Variants in SLC30A9 observed in about 807,000 individuals in gnomAD.
The protein encoded by SLC30A9 is solute carrier family 30 member 9.
Under a neutral mutation model 87.5 loss-of-function variants are expected in SLC30A9, and 58 were observed. The ratio of observed to expected loss-of-function variants is 0.66; its 90% CI spans 0.54 to 0.82. SLC30A9 has a LOEUF of 0.82. SLC30A9 is among the 40% of genes least tolerant of loss of function. The pLI is 0.00. For missense variants in SLC30A9, 557 were observed against 679.1 expected, an observed-to-expected ratio of 0.82 and a Z score of 2.00; for synonymous variants, 234 against 233.0, an observed-to-expected ratio of 1.00 and a Z score of -0.04.
intron 9 of SLC30A9, among the ~76,000 whole-genome samples, chr4:42,057,954 T>C (rs942135455): frequency 6.6e-6 from 1 of 151,694 alleles, no homozygotes; most frequent in Non-Finnish European, 1.5e-5. Context: ...ATACAAAAAT[T>C]AGCTGGGTGT....
chr4:42,045,251 C>T (rs547788725), intron 8 of SLC30A9, among the ~76,000 whole-genome samples: 184 of 152,100 alleles, frequency 1.2e-3, no homozygotes, highest in Admixed American at 3.1e-3. Flanking sequence ...AAAAACCCTT[C>T]AAAAAACCAG....
chr4:42,088,244 T>C lies in SLC30A9; in HGVS notation c.*2118T>C, dbSNP rs1342508686. 6.6e-6 allele frequency: 1 copy of C among 152,102 alleles called. No individual in the cohort carries two copies. Among genetic ancestry groups the C allele is most frequent in the Middle Eastern group, 3.2e-3 (1 of 316 alleles). The allele number at this position is 152,102 out of a possible 1,614,324, so 9.4% of individuals were successfully genotyped here. A position where few individuals can be genotyped will look rare whatever the true frequency, so the allele number is the denominator to read the frequency against. The stretch of plus-strand genomic sequence containing the variant: ...GGAAATTTTTCTAGAGTCACTGAAT[T>C]TTCAAATCAGAGAATTTGGGCTGGA... On this transcript the variant is annotated 3_prime_UTR_variant, in exon 18 of 18. Coordinates refer to ENST00000264451, the MANE Select transcript of SLC30A9 (RefSeq NM_006345.4).
At chr4:42,010,441 C>T (rs967707813) in intron 2 of SLC30A9, among the ~76,000 whole-genome samples, 1 of 152,174 alleles carries the variant, frequency 6.6e-6, no homozygotes, top group Non-Finnish European at 1.5e-5. Context: ...TGTGCCACTA[C>T]ACTCCAGCCT....
chr4:42,029,153 C>T (rs887601313), intron 6 of SLC30A9: 28 of 359,606 alleles, frequency 7.8e-5, no homozygotes, highest in African/African-American at 5.1e-4. Flanking sequence ...AACACGAGGG[C>T]GTGCCCCGAA....
intron 6 of SLC30A9, among the ~76,000 whole-genome samples, chr4:42,032,215 C>T (rs1335428669): frequency 6.6e-6 from 1 of 151,672 alleles, no homozygotes; most frequent in Non-Finnish European, 1.5e-5. Context: ...CAGTTACCCC[C>T]CCACCAGGCC....
At chr4:42,054,885 C>T (rs1366184553) in intron 9 of SLC30A9, among the ~76,000 whole-genome samples, 3 of 151,998 alleles carry the variant, frequency 2.0e-5, no homozygotes, top group African/African-American at 4.8e-5. Context: ...GAGATTCATC[C>T]AAAATATTTA....
chr4:42,075,552 G>C, intron 15 of SLC30A9, 105 bp from the exon 16 acceptor site: 1 of 1,021,268 alleles, frequency 9.8e-7, no homozygotes, highest in Non-Finnish European at 1.5e-6. Context: ...GTCCATTCTC[G>C]TAACTAGTGG....
chr4:42,018,384 A>G (rs1271434598), intron 3 of SLC30A9: 2 of 1,299,162 alleles, frequency 1.5e-6, no homozygotes, highest in South Asian at 1.3e-5. Flanking sequence ...AAATTTTTTC[A>G]AAAGCCCAAG....
intron 6 of SLC30A9, 30 bp downstream of exon 6, chr4:42,023,414 A>T: frequency 4.4e-6 from 6 of 1,373,916 alleles, no homozygotes; most frequent in Non-Finnish European, 6.2e-6. Flanking sequence ...AGTCAAGTTA[A>T]TTGAAAAATA....
rs542557907 is a variant in SLC30A9, at chr4:42,063,668, A to C, written c.1032+547A>C. Among the ~76,000 whole-genome samples the C allele has an allele frequency of 1.5e-4, 23 of 152,300 alleles. No homozygotes were observed. In the East Asian group the frequency reaches 2.7e-3, roughly 18 times the overall value. ...CTGGAAAGTGTTGAGGGTTTGGATAAGGGATAAAAACATACCACTTTACTG... is the reference window on the plus strand; with the variant it reads ...CTGGAAAGTGTTGAGGGTTTGGATACGGGATAAAAACATACCACTTTACTG... On this transcript the variant is annotated intron_variant, in intron 11 of 17. Coordinates refer to ENST00000264451, the MANE Select transcript of SLC30A9 (RefSeq NM_006345.4).
chr4:41,994,769 T>C (rs1313586231), intron 1 of SLC30A9, among the ~76,000 whole-genome samples: 6 of 143,404 alleles, frequency 4.2e-5, no homozygotes, highest in Admixed American at 1.5e-4. Flanking sequence ...GCGCCTGTAA[T>C]GACAGCTACT....
Position 42,057,304 on chromosome 4 carries a change from G to T in SLC30A9, c.841-2887G>T, listed in dbSNP as rs190029766. On this transcript the variant is annotated intron_variant, in intron 9 of 17. Coordinates refer to ENST00000264451, the MANE Select transcript of SLC30A9 (RefSeq NM_006345.4). Reference sequence around the variant, plus strand: ...AGCAGAGGTTGTCCATGAGAGCCCCGCCTGTGCAGCAAACTTCTACCTGGG... The same window carrying T: ...AGCAGAGGTTGTCCATGAGAGCCCCTCCTGTGCAGCAAACTTCTACCTGGG... Among the ~76,000 whole-genome samples the T allele has an allele frequency of 4.7e-4, 72 of 152,258 alleles. No homozygotes were observed. In the East Asian group the frequency reaches 7.4e-3, roughly 16 times the overall value.
At chr4:42,038,289 C>CTTA (rs1250518354) in intron 7 of SLC30A9, among the ~76,000 whole-genome samples, 4 of 151,884 alleles carry the variant, frequency 2.6e-5, no homozygotes, top group Non-Finnish European at 4.4e-5. Context: ...CCTTATTTTT[C>CTTA]TTATTATTTC....
chr4:42,002,177 T>A (rs1715014213), intron 2 of SLC30A9, among the ~76,000 whole-genome samples: 1 of 152,016 alleles, frequency 6.6e-6, no homozygotes, highest in Non-Finnish European at 1.5e-5. Flanking sequence ...AACCATTATA[T>A]GTTTGTATCC....
chr4:42,063,302 A>G (rs945225751), intron 11 of SLC30A9, among the ~76,000 whole-genome samples, 181 bp downstream of exon 11: 1 of 152,196 alleles, frequency 6.6e-6, no homozygotes, highest in African/African-American at 2.4e-5. Context: ...CTCTAAATCC[A>G]TAAGATTCAA....
intron 6 of SLC30A9, among the ~76,000 whole-genome samples, chr4:42,024,090 A>G (rs1716089929): frequency 6.6e-6 from 1 of 152,154 alleles, no homozygotes; most frequent in African/African-American, 2.4e-5. Flanking sequence ...TTTTTACAGA[A>G]GGGTCTATTA....
At chr4:42,069,229 A>C (rs903187959) in intron 14 of SLC30A9, among the ~76,000 whole-genome samples, 2 of 152,220 alleles carry the variant, frequency 1.3e-5, no homozygotes, top group African/African-American at 4.8e-5. Flanking sequence ...TTTACATAAT[A>C]ATAGAAACCA....
In SLC30A9 at chr4:42,054,790, C is replaced by T. The variant is rs190370882; in HGVS notation, c.840+5311C>T. Among the ~76,000 whole-genome samples the T allele has an allele frequency of 5.8e-3, 876 of 151,916 alleles. 4 individuals carry two copies. The highest frequency in any genetic ancestry group is 0.02 in the African/African-American group (839 of 41,470). On this transcript the variant is annotated intron_variant, in intron 9 of 17. Transcript: ENST00000264451. ...TGCTGGGATTACAGACATGAGCCAC[C>T]GCACCCGGCCAGGAATTAGTATCGA...
At chr4:42,014,101 G>C (rs1715587655) in intron 2 of SLC30A9, among the ~76,000 whole-genome samples, 1 of 152,242 alleles carries the variant, frequency 6.6e-6, no homozygotes, top group Non-Finnish European at 1.5e-5. Context: ...AAGAAGACAT[G>C]CAAGTGGCAA....
Sources: gnomAD v4.1 joint callset for allele counts (sites outside exome capture counted in the v4.1 genomes callset) on GRCh38, gnomAD v4.1.1 for gene constraint, MANE v1.5 for transcripts, NCBI Gene and HGNC (gene_info 2026-07-23, HGNC 2026-07-21) for gene names.